The following VRTN variants were observed in gnomAD, a reference collection of about 807,000 sequenced individuals.
The protein encoded by VRTN is vertnin.
VRTN carries 5 observed loss-of-function variants against 18.2 expected under a neutral mutation model. The observed-to-expected ratio is 0.27, with a 90% CI of 0.14 to 0.58. The LOEUF (loss-of-function observed/expected upper bound fraction) is 0.58, where lower values mean the gene tolerates loss of function less well. Ranked by LOEUF, VRTN falls within the 20% of genes least tolerant of loss-of-function variation. The pLI is 0.91. For missense variants in VRTN, 741 were observed against 939.4 expected (o/e 0.79, Z 2.76); for synonymous variants, 381 against 393.7 (o/e 0.97, Z 0.38).
upstream of VRTN, among the ~76,000 whole-genome samples, chr14:74,345,783 G>A (rs536971632): frequency 1.8e-4 from 27 of 151,716 alleles, no homozygotes; most frequent in African/African-American, 5.8e-4. Flanking sequence ...AATTAGCTGG[G>A]TGTGGTGGCA....
At chr14:74,347,586 C>T (rs2085651795), upstream of VRTN, among the ~76,000 whole-genome samples, 1 of 152,230 alleles carries the variant, frequency 6.6e-6, no homozygotes, top group Non-Finnish European at 1.5e-5. Context: ...AAGCAGTTAG[C>T]TACAGCACTC....
At chr14:74,332,341 T>TTTTTG in intron 1 of VRTN, among the ~76,000 whole-genome samples, 1 of 22,408 alleles carries the variant, frequency 4.5e-5, no homozygotes, top group Non-Finnish European at 7.1e-5. Context: ...ATCTGTTTTT[T>TTTTTG]TTTTTTTTTT....
At chr14:74,318,260 C>T (rs1222187323) in intron 1 of VRTN, among the ~76,000 whole-genome samples, 5 of 151,956 alleles carry the variant, frequency 3.3e-5, no homozygotes, top group South Asian at 2.1e-4. Flanking sequence ...TGTGCCACCA[C>T]GCCTGGCTAA....
intron 1 of VRTN, among the ~76,000 whole-genome samples, chr14:74,314,394 CTTTTTTTTTTT>C: frequency 9.2e-6 from 1 of 108,776 alleles, no homozygotes; most frequent in East Asian, 2.8e-4. Flanking sequence ...AAAAACTGTT[CTTTTTTTTTTT>C]TTTTTTTTTG....
intron 1 of VRTN, among the ~76,000 whole-genome samples, chr14:74,312,285 A>G (rs1177415664): frequency 6.6e-6 from 1 of 152,224 alleles, no homozygotes; most frequent in Non-Finnish European, 1.5e-5. Flanking sequence ...AGCTAAGTTT[A>G]AAAGAAGATA....
intron 1 of VRTN, among the ~76,000 whole-genome samples, chr14:74,329,275 C>CA (rs57850959): frequency 0.2 from 25,584 of 130,534 alleles, 3,025 homozygotes; most frequent in East Asian, 0.58. Context: ...AACTCCATCT[C>CA]AAAAAAAAAA....
intron 1 of VRTN, among the ~76,000 whole-genome samples, chr14:74,323,538 C>T (rs769963466): frequency 3.3e-5 from 5 of 151,680 alleles, no homozygotes; most frequent in Admixed American, 1.3e-4. Context: ...GAGCCAAGGT[C>T]GCCCCACTGC....
intron 1 of VRTN, among the ~76,000 whole-genome samples, chr14:74,311,171 A>G (rs1347805014): frequency 1.3e-5 from 2 of 152,202 alleles, no homozygotes; most frequent in African/African-American, 2.4e-5. Context: ...CATTTAATCA[A>G]CTAGTTTTTT....
At chr14:74,347,724 T>TG (rs2085652819), upstream of VRTN, among the ~76,000 whole-genome samples, 1 of 152,208 alleles carries the variant, frequency 6.6e-6, no homozygotes, top group Non-Finnish European at 1.5e-5. Context: ...TTGAGGCCCC[T>TG]GGGCCCTAGG....
chr14:74,314,866 C>G (rs545322904), intron 1 of VRTN, among the ~76,000 whole-genome samples: 1 of 152,138 alleles, frequency 6.6e-6, no homozygotes, highest in Non-Finnish European at 1.5e-5. Flanking sequence ...GTTCCTTTCT[C>G]CTGGGTTTAG....
At chr14:74,345,678 C>A (rs577751215), upstream of VRTN, among the ~76,000 whole-genome samples, 1 of 152,150 alleles carries the variant, frequency 6.6e-6, no homozygotes, top group South Asian at 2.1e-4. Context: ...AATCCCAGCA[C>A]TTTGGGAGGC....
At chr14:74,310,102 AATAAGAAGGAG>A (rs576143135) in intron 1 of VRTN, among the ~76,000 whole-genome samples, 226 of 152,288 alleles carry the variant, frequency 1.5e-3, no homozygotes, top group African/African-American at 5.3e-3. Flanking sequence ...TGCAGCTATT[AATAAGAAGGAG>A]ATGGCCGGGT....
At chr14:74,356,700 G>A in intron 1 of VRTN, 83 bp from the exon 2 acceptor site, 1 of 1,477,898 alleles carries the variant, frequency 6.8e-7, no homozygotes, top group Non-Finnish European at 9.0e-7. Flanking sequence ...GGGAGAAAGT[G>A]CAGGAGTGGA....
At chr14:74,331,629 T>C (rs1006809687) in intron 1 of VRTN, among the ~76,000 whole-genome samples, 24 of 139,020 alleles carry the variant, frequency 1.7e-4, no homozygotes, top group Non-Finnish European at 3.3e-4. Flanking sequence ...GTGCCTGATA[T>C]AGTAGAAGTC....
upstream of VRTN, chr14:74,303,027 G>C: frequency 2.6e-6 from 3 of 1,146,030 alleles, no homozygotes; most frequent in Non-Finnish European, 3.5e-6. Flanking sequence ...AGAGAGGAAG[G>C]TGCGGGAGAC....
chr14:74,359,187 G>T lies in VRTN; in HGVS notation c.*295G>T. On this transcript the variant is annotated 3_prime_UTR_variant, in exon 2 of 2. Transcript: ENST00000256362. ...GGTTTTGATTTGAGTGGGTTGGTTG[G>T]CCCCCTTGCTGGAGTTGGAAGCCGT... 2.7e-6 allele frequency: 1 copy of T among 373,474 alleles called. No homozygotes were observed. Among genetic ancestry groups the T allele is most frequent in the Non-Finnish European group, 4.6e-6 (1 of 216,462 alleles). 23.1% of individuals were successfully genotyped at this position (373,474 alleles called of 1,614,324 possible).
intron 1 of VRTN, among the ~76,000 whole-genome samples, chr14:74,353,020 G>T (rs2085696995): frequency 1.3e-5 from 2 of 152,164 alleles, no homozygotes; most frequent in African/African-American, 2.4e-5. Context: ...GCCAGGCATG[G>T]TGGCTCACGC....
rs1489558188 is a variant in VRTN at position 74,348,610 on chromosome 14, G to A, written c.-44G>A. On this transcript the variant is annotated 5_prime_UTR_variant, in exon 1 of 2. It introduces an in-frame stop codon into an upstream open reading frame of the 5' UTR. Transcript: ENST00000256362. ...CTTAAATGTCCCAGGCTGGAAGGTG[G>A]AGCGAGAAGTGGATGCCCCCAGGGC... The A allele has an allele frequency of 6.6e-6, 1 of 152,332 alleles. No individual in the cohort carries two copies. The highest frequency in any genetic ancestry group is 2.4e-5 in the African/African-American group (1 of 41,454). The allele number at this position is 152,332 out of a possible 1,614,324, so 9.4% of individuals were successfully genotyped here.
intron 1 of VRTN, among the ~76,000 whole-genome samples, chr14:74,320,252 T>C (rs1372711358): frequency 2.1e-5 from 2 of 96,032 alleles, no homozygotes; most frequent in African/African-American, 1.1e-4. Flanking sequence ...CCCATCCCTT[T>C]TTTTTTTTTT....
Sources: gnomAD v4.1 joint callset for allele counts (sites outside exome capture counted in the v4.1 genomes callset) on GRCh38, gnomAD v4.1.1 for gene constraint, MANE v1.5 for transcripts, NCBI Gene and HGNC (gene_info 2026-07-23, HGNC 2026-07-21) for gene names.